LZTS1: variants seen among roughly 807,000 people sequenced by gnomAD.
LZTS1 encodes leucine zipper tumor suppressor 1, also known as leucine zipper putative tumor suppressor 1.
LZTS1 carries 31 observed loss-of-function variants against 45.8 expected under a neutral mutation model. That is an observed-to-expected ratio of 0.68 (90% confidence interval 0.51 to 0.91). LZTS1 has a LOEUF of 0.91. LZTS1 is among the 40% of genes least tolerant of loss of function. The probability of loss-of-function intolerance (pLI) is 0.00; values close to 1 mark genes in which losing one functional copy is unlikely to be tolerated. For synonymous variants in LZTS1, 359 were observed against 357.3 expected, an observed-to-expected ratio of 1.00 and a Z score of -0.05; for missense variants, 821 against 788.9, an observed-to-expected ratio of 1.04 and a Z score of -0.49.
At chr8:20,266,533 G>C (rs1217399939) in intron 1 of LZTS1, among the ~76,000 whole-genome samples, 1 of 151,856 alleles carries the variant, frequency 6.6e-6, no homozygotes, top group Admixed American at 6.6e-5. Flanking sequence ...GAGACAACTG[G>C]TCACCTGGGG....
intron 1 of LZTS1, among the ~76,000 whole-genome samples, chr8:20,292,388 A>G (rs28552881): frequency 0.65 from 98,999 of 152,122 alleles, 32,506 homozygotes; most frequent in Non-Finnish European, 0.68. Context: ...CAACCCTTCC[A>G]TTTTGTTTGG....
At chr8:20,283,925 G>T (rs1800741592) in intron 1 of LZTS1, among the ~76,000 whole-genome samples, 1 of 152,180 alleles carries the variant, frequency 6.6e-6, no homozygotes, top group Non-Finnish European at 1.5e-5. Context: ...TTCCAAGTCA[G>T]CAAATCAGGC....
At chr8:20,303,200 C>T (rs1801111251) in intron 1 of LZTS1, among the ~76,000 whole-genome samples, 1 of 152,134 alleles carries the variant, frequency 6.6e-6, no homozygotes, top group South Asian at 2.1e-4. Flanking sequence ...CACCTCCGCC[C>T]GTGTGACTTA....
In LZTS1 at chr8:20,281,405, C is replaced by CA. The variant is rs57769805; in HGVS notation, c.-135+22334dup. Reference sequence around the variant, plus strand: ...TGAAACCCCATCTCTACTAAAAATACAAAAAAAAAAAAAAAAAATTAGCTG... The same window carrying CA: ...TGAAACCCCATCTCTACTAAAAATACAAAAAAAAAAAAAAAAAAATTAGCTG... On this transcript the variant is annotated intron_variant, in intron 1 of 3. Coordinates refer to ENST00000381569, the MANE Select transcript of LZTS1 (RefSeq NM_021020.5). 3.9e-3 allele frequency among the ~76,000 whole-genome samples: 521 copies of CA among 133,656 alleles called. 4 individuals carry two copies. Among genetic ancestry groups the CA allele is most frequent in the Non-Finnish European group, 5.6e-3 (348 of 62,238 alleles). 87.7% of individuals were successfully genotyped at this position (133,656 alleles called of 152,430 possible). A position where few individuals can be genotyped will look rare whatever the true frequency, so the allele number is the denominator to read the frequency against.
chr8:20,303,655 C>G (rs1366614972), intron 1 of LZTS1, 85 bp downstream of exon 1: 1 of 975,018 alleles, frequency 1.0e-6, no homozygotes, highest in Non-Finnish European at 1.2e-6. Context: ...ACGGACGGTC[C>G]GGCCCGGCGA....
intron 1 of LZTS1, among the ~76,000 whole-genome samples, chr8:20,264,478 A>G (rs1404977506): frequency 1.3e-5 from 2 of 152,200 alleles, no homozygotes; most frequent in African/African-American, 4.8e-5. Context: ...TATCAAAGGA[A>G]GGCAGCGGCA....
intron 1 of LZTS1, among the ~76,000 whole-genome samples, chr8:20,292,699 G>A (rs1800919775): frequency 6.6e-6 from 1 of 152,162 alleles, no homozygotes; most frequent in South Asian, 2.1e-4. Context: ...CTGTGTTCTT[G>A]TATGCCCCCT....
chr8:20,301,120 CA>C (rs71222143), intron 1 of LZTS1, among the ~76,000 whole-genome samples: 175 of 107,106 alleles, frequency 1.6e-3, no homozygotes, highest in East Asian at 4.2e-3. Context: ...GACTCCGTCT[CA>C]AAAAAAAAAA....
At chr8:20,260,338 C>G (rs1268141512) in intron 1 of LZTS1, among the ~76,000 whole-genome samples, 1 of 152,154 alleles carries the variant, frequency 6.6e-6, no homozygotes, top group Non-Finnish European at 1.5e-5. Flanking sequence ...GTATCTCTAC[C>G]AGAATCTGAG....
intron 1 of LZTS1, among the ~76,000 whole-genome samples, chr8:20,278,872 C>T (rs962332157): frequency 3.3e-5 from 5 of 152,194 alleles, no homozygotes; most frequent in African/African-American, 1.2e-4. Context: ...CAATAATTGT[C>T]TTAATTTCCT....
intron 1 of LZTS1, among the ~76,000 whole-genome samples, chr8:20,296,860 G>A (rs1047077149): frequency 2.6e-5 from 4 of 152,194 alleles, no homozygotes; most frequent in Non-Finnish European, 5.9e-5. Flanking sequence ...CCAGGTGCTG[G>A]ACGCAACCCA....
Position 20,253,242 on chromosome 8 carries a change from A to G in LZTS1, c.689T>C (p.Leu230Pro), listed in dbSNP as rs1169850147. The change falls in exon 3 of 4, where the codon CTG becomes CCG. Residue 230 changes from leucine (L) to proline (P), a missense_variant. Leu to Pro is a moderately conservative substitution (Grantham distance 98, BLOSUM62 -3). Coordinates refer to ENST00000381569, the MANE Select transcript of LZTS1 (RefSeq NM_021020.5). The stretch of plus-strand genomic sequence containing the variant: ...CTTGCTACCTCCGTCGGAGAAGGAC[A>G]GAGCCTTCAGGCTCATCATGTTGCT... The part of the protein sequence containing the change: ...QDSNMMSLKA[L>P]SFSDGGSKLG... 2.5e-6 allele frequency: 4 copies of G among 1,614,064 alleles called. No individual in the cohort carries two copies. The highest frequency in any genetic ancestry group is 3.4e-6 in the Non-Finnish European group (4 of 1,180,038).
At chr8:20,263,258 C>T (rs1182388826) in intron 1 of LZTS1, among the ~76,000 whole-genome samples, 1 of 152,108 alleles carries the variant, frequency 6.6e-6, no homozygotes. Flanking sequence ...TGTGGGTCTT[C>T]CCTTCACTGG....
At chr8:20,287,716 C>T (rs2128898298) in intron 1 of LZTS1, among the ~76,000 whole-genome samples, 1 of 152,172 alleles carries the variant, frequency 6.6e-6, no homozygotes, top group East Asian at 1.9e-4. Flanking sequence ...TACCTGAGAT[C>T]AGGAGTTCGA....
Position 20,303,949 on chromosome 8 carries a change from C to A in LZTS1, c.-344G>T, listed in dbSNP as rs1317125456. 1.7e-5 allele frequency: 17 copies of A among 974,026 alleles called. No individual in the cohort carries two copies. Among genetic ancestry groups the A allele is most frequent in the Admixed American group, 6.2e-5 (1 of 16,022 alleles). The allele number at this position is 974,026 out of a possible 1,614,324, so 60.3% of individuals were successfully genotyped here. A position where few individuals can be genotyped will look rare whatever the true frequency, so the allele number is the denominator to read the frequency against. On this transcript the variant is annotated 5_prime_UTR_variant, in exon 1 of 4. Coordinates refer to ENST00000381569, the MANE Select transcript of LZTS1 (RefSeq NM_021020.5). ...CCGCTGCCAACCCGCCAGCTCCAGG[C>A]GCGCCGGCCTCTGCGCGGGTCCCGG...
rs551267496 is a variant in LZTS1, at chr8:20,286,880, T to C, written c.-135+16860A>G. Among the ~76,000 whole-genome samples, 6 of 152,164 alleles carry C rather than the reference T, an allele frequency of 3.9e-5. No individual in the cohort carries two copies. The South Asian group carries it at 1.2e-3, about 32-fold the overall frequency. On this transcript the variant is annotated intron_variant, in intron 1 of 3. Coordinates refer to ENST00000381569, the MANE Select transcript of LZTS1 (RefSeq NM_021020.5). Reference sequence around the variant, plus strand: ...ACACGTTCTGTGCAATTCCATTCAGTAAGATGTTTAAAAAGAGGTAAAAAT... The same window carrying C: ...ACACGTTCTGTGCAATTCCATTCAGCAAGATGTTTAAAAAGAGGTAAAAAT...
chr8:20,277,340 G>A (rs56408340), intron 1 of LZTS1, among the ~76,000 whole-genome samples: 28 of 152,266 alleles, frequency 1.8e-4, no homozygotes, highest in East Asian at 3.9e-4. Context: ...CCCCTTTCCC[G>A]GAAAACTCAT....
At position 20,303,910 on chromosome 8, in the gene LZTS1, G is replaced by C; in HGVS notation, c.-305C>G. The C allele has an allele frequency of 1.0e-6, 1 of 984,380 alleles. No individual in the cohort carries two copies. 61.0% of individuals were successfully genotyped at this position (984,380 alleles called of 1,614,324 possible). On this transcript the variant is annotated 5_prime_UTR_variant, in exon 1 of 4. Transcript: ENST00000381569. Reference sequence around the variant, plus strand: ...GCCGAGGCGGGCAGAGAAACTTTCGGCCTCCCCGCCCGGCCGCTGCCAACC... The same window carrying C: ...GCCGAGGCGGGCAGAGAAACTTTCGCCCTCCCCGCCCGGCCGCTGCCAACC...
chr8:20,263,162 G>A (rs954783799), intron 1 of LZTS1, among the ~76,000 whole-genome samples: 1 of 152,196 alleles, frequency 6.6e-6, no homozygotes, highest in Non-Finnish European at 1.5e-5. Flanking sequence ...CAGGGCAGAA[G>A]CTGGCCTGGC....
Sources: allele counts gnomAD v4.1 joint callset (sites outside exome capture counted in the v4.1 genomes callset), GRCh38; gene constraint gnomAD v4.1.1; transcripts MANE v1.5; gene names NCBI Gene and HGNC (gene_info 2026-07-23, HGNC 2026-07-21).